Variants in RSRC1 observed in about 807,000 individuals in gnomAD.
The protein encoded by RSRC1 is arginine and serine rich coiled-coil 1, also known as serine/Arginine-related protein 53.
RSRC1 carries 39 observed loss-of-function variants against 49.1 expected under a neutral mutation model. The ratio of observed to expected loss-of-function variants is 0.79; its 90% CI spans 0.61 to 1.04. The LOEUF (loss-of-function observed/expected upper bound fraction) is 1.04. Among genes scored for constraint, RSRC1 ranks in the 50% least tolerant of loss-of-function variants. The pLI, the probability that RSRC1 is intolerant of heterozygous loss-of-function variation, is 0.00. For synonymous variants in RSRC1, 143 were observed against 130.8 expected (o/e 1.09, Z -0.63); for missense variants, 388 against 402.4 (o/e 0.96, Z 0.31).
At chr3:158,258,826 G>T (rs1376448855) in intron 4 of RSRC1, among the ~76,000 whole-genome samples, 1 of 151,852 alleles carries the variant, frequency 6.6e-6, no homozygotes, top group Non-Finnish European at 1.5e-5. Flanking sequence ...GATCGGTTCT[G>T]CTAAGAGACT....
rs1720694910 is a variant in RSRC1, at chr3:158,197,338, G to A, written c.321-5734G>A. Among the ~76,000 whole-genome samples the A allele has an allele frequency of 2.0e-5, 3 of 152,040 alleles. No individual in the cohort carries two copies. In the South Asian group the frequency reaches 6.2e-4, roughly 32 times the overall value. The stretch of plus-strand genomic sequence containing the variant: ...TGGTAGTTTGTATTTCTGTGGGATT[G>A]GTGGTGATATCCCCTTTTTCATTTT... On this transcript the variant is annotated intron_variant, in intron 3 of 9. Transcript: ENST00000611884.
intron 4 of RSRC1, among the ~76,000 whole-genome samples, chr3:158,208,176 T>C (rs185668448): frequency 1.1e-3 from 161 of 152,254 alleles, no homozygotes; most frequent in Non-Finnish European, 1.9e-3. Context: ...TAAAATTTAG[T>C]TTCTAAGAAT....
chr3:158,418,208 A>G (rs905793056), intron 6 of RSRC1, among the ~76,000 whole-genome samples: 18 of 152,134 alleles, frequency 1.2e-4, no homozygotes, highest in African/African-American at 4.1e-4. Context: ...CACATGTGTC[A>G]CACACCTCTT....
chr3:158,470,355 CACACACATATATAT>C (rs1036624679), intron 7 of RSRC1, among the ~76,000 whole-genome samples: 6 of 117,144 alleles, frequency 5.1e-5, no homozygotes, highest in African/African-American at 2.2e-4. Context: ...CACACACACA[CACACACATATATAT>C]ATATATATAT....
chr3:158,176,764 C>A (rs763225458), intron 3 of RSRC1, among the ~76,000 whole-genome samples: 11 of 152,044 alleles, frequency 7.2e-5, no homozygotes, highest in Non-Finnish European at 1.0e-4. Context: ...AAACACCAAA[C>A]GCAATGGCAA....
chr3:158,518,210 T>A (rs1432637870), intron 7 of RSRC1, among the ~76,000 whole-genome samples: 2 of 145,668 alleles, frequency 1.4e-5, no homozygotes, highest in South Asian at 2.2e-4. Context: ...GATTTGCTTC[T>A]GTGACCTTTT....
chr3:158,297,846 A>G (rs1730045), intron 4 of RSRC1, among the ~76,000 whole-genome samples, 193 bp from the exon 5 acceptor site: 72,310 of 151,784 alleles, frequency 0.48, 17,783 homozygotes, highest in East Asian at 0.64. Flanking sequence ...TGAAATACCA[A>G]TTTAGTGGTA....
intron 6 of RSRC1, among the ~76,000 whole-genome samples, chr3:158,388,024 A>AT (rs1212140161): frequency 2.0e-5 from 3 of 152,242 alleles, no homozygotes; most frequent in African/African-American, 7.2e-5. Flanking sequence ...GAAGTGTCAA[A>AT]TAAGTATCAA....
chr3:158,493,758 A>G (rs1234019498), intron 7 of RSRC1, among the ~76,000 whole-genome samples: 1 of 152,196 alleles, frequency 6.6e-6, no homozygotes, highest in Non-Finnish European at 1.5e-5. Flanking sequence ...TCAGTTGGCC[A>G]TCTGTGATTG....
chr3:158,499,488 C>A (rs1424549258), intron 7 of RSRC1, among the ~76,000 whole-genome samples: 1 of 152,026 alleles, frequency 6.6e-6, no homozygotes, highest in African/African-American at 2.4e-5. Context: ...GTCATTTTCA[C>A]AATATTGATT....
intron 5 of RSRC1, among the ~76,000 whole-genome samples, chr3:158,310,674 T>C (rs934894908): frequency 6.6e-6 from 1 of 151,766 alleles, no homozygotes; most frequent in Admixed American, 6.6e-5. Flanking sequence ...AAATATGTTT[T>C]AAAATAACAC....
At chr3:158,124,285 G>A (rs931131598) in intron 3 of RSRC1, among the ~76,000 whole-genome samples, 6 of 152,026 alleles carry the variant, frequency 3.9e-5, no homozygotes, top group Non-Finnish European at 8.8e-5. Context: ...TTTTCAGCCC[G>A]GTGGTGGTAG....
intron 4 of RSRC1, among the ~76,000 whole-genome samples, chr3:158,238,643 C>T (rs1477839525): frequency 6.6e-6 from 1 of 152,170 alleles, no homozygotes; most frequent in Non-Finnish European, 1.5e-5. Flanking sequence ...ATAAATGGTG[C>T]TTGGAAAACT....
At chr3:158,166,416 A>T (rs1298167605) in intron 3 of RSRC1, among the ~76,000 whole-genome samples, 1 of 152,160 alleles carries the variant, frequency 6.6e-6, no homozygotes, top group Non-Finnish European at 1.5e-5. Flanking sequence ...TTGTCAAGAT[A>T]TATATGCCAT....
chr3:158,118,462 T>TGTGTGTGC (rs1491469875), intron 1 of RSRC1, among the ~76,000 whole-genome samples: 6,711 of 124,450 alleles, frequency 0.054, 367 homozygotes, highest in East Asian at 0.11. Flanking sequence ...TGTGTGTGTG[T>TGTGTGTGC]GCGCGTGCGC....
intron 1 of RSRC1, among the ~76,000 whole-genome samples, chr3:158,112,966 G>T (rs1198366875): frequency 6.6e-6 from 1 of 152,152 alleles, no homozygotes; most frequent in Non-Finnish European, 1.5e-5. Flanking sequence ...CCGTGCAAAT[G>T]ATGATCTCAT....
At chr3:158,404,117 T>C (rs995190389) in intron 6 of RSRC1, among the ~76,000 whole-genome samples, 1 of 151,910 alleles carries the variant, frequency 6.6e-6, no homozygotes, top group Non-Finnish European at 1.5e-5. Context: ...AGGCCATGAA[T>C]TTTTCAGGGA....
intron 6 of RSRC1, among the ~76,000 whole-genome samples, chr3:158,457,261 T>C (rs1737378334): frequency 6.6e-6 from 1 of 152,154 alleles, no homozygotes; most frequent in Non-Finnish European, 1.5e-5. Flanking sequence ...ATTCTAGATA[T>C]AATTTGTGGA....
chr3:158,529,562 T>G (rs1196367189), intron 7 of RSRC1, among the ~76,000 whole-genome samples: 1 of 151,924 alleles, frequency 6.6e-6, no homozygotes, highest in African/African-American at 2.4e-5. Flanking sequence ...TGTGAAGTGC[T>G]CAGCGCAGAG....
Sources: allele counts gnomAD v4.1 joint callset (sites outside exome capture counted in the v4.1 genomes callset), GRCh38; gene constraint gnomAD v4.1.1; transcripts MANE v1.5; gene names NCBI Gene and HGNC (gene_info 2026-07-23, HGNC 2026-07-21).